GALNT17: variants seen among roughly 807,000 people sequenced by gnomAD.
The protein encoded by GALNT17 is polypeptide N-acetylgalactosaminyltransferase 17, also known as UDP-GalNAc:polypeptide N-acetylgalactosaminyltransferase-like 3.
Under a neutral mutation model 63.7 loss-of-function variants are expected in GALNT17, and 29 were observed. The observed-to-expected ratio is 0.46, with a 90% CI of 0.34 to 0.62. GALNT17 has a LOEUF of 0.62. Among genes scored for constraint, GALNT17 ranks in the 20% least tolerant of loss-of-function variants. GALNT17 has a pLI of 0.01. For missense variants in GALNT17, 603 were observed against 799.6 expected (o/e 0.75, Z 2.97); for synonymous variants, 305 against 318.3 (o/e 0.96, Z 0.45).
rs577211583 is a variant in GALNT17 at position 71,508,718 on chromosome 7, C to T, written c.963-62567C>T. On this transcript the variant is annotated intron_variant, in intron 5 of 10. Coordinates refer to ENST00000333538, the MANE Select transcript of GALNT17 (RefSeq NM_022479.3). ...CCGGGCTGTGGGGGCCAAAGGGACC[C>T]TGGAGGGCGTTTTACTATCTCCCTG... Among the ~76,000 whole-genome samples, 7 of 152,196 alleles carry T rather than the reference C, an allele frequency of 4.6e-5. No individual in the cohort carries two copies. In the South Asian group the frequency reaches 1.5e-3, roughly 32 times the overall value.
intron 2 of GALNT17, among the ~76,000 whole-genome samples, chr7:71,344,624 A>G (rs570931415): frequency 1.3e-5 from 2 of 152,274 alleles, no homozygotes; most frequent in African/African-American, 4.8e-5. Flanking sequence ...GGAGGCTGGT[A>G]GCAGGATGGC....
At chr7:71,320,338 G>A (rs1791583858) in intron 1 of GALNT17, among the ~76,000 whole-genome samples, 1 of 151,528 alleles carries the variant, frequency 6.6e-6, no homozygotes, top group African/African-American at 2.4e-5. Context: ...TTGGGCTCAA[G>A]CAATCCTCCT....
At chr7:71,134,538 T>C (rs529730846) in intron 1 of GALNT17, among the ~76,000 whole-genome samples, 39 of 152,220 alleles carry the variant, frequency 2.6e-4, no homozygotes, top group African/African-American at 8.9e-4. Flanking sequence ...CTCGAAGCCA[T>C]TTGACAGATA....
At chr7:71,670,345 A>G (rs1040441747) in intron 8 of GALNT17, among the ~76,000 whole-genome samples, 2 of 152,170 alleles carry the variant, frequency 1.3e-5, no homozygotes, top group Non-Finnish European at 2.9e-5. Context: ...TGAGATATGT[A>G]GCAGATAATG....
chr7:71,203,307 T>C (rs984937521), intron 1 of GALNT17, among the ~76,000 whole-genome samples: 6 of 152,214 alleles, frequency 3.9e-5, no homozygotes, highest in Admixed American at 6.5e-5. Flanking sequence ...CCAACACTTA[T>C]CTTTCGTCTT....
intron 1 of GALNT17, among the ~76,000 whole-genome samples, chr7:71,302,266 T>C (rs1341940677): frequency 6.6e-6 from 1 of 152,074 alleles, no homozygotes; most frequent in African/African-American, 2.4e-5. Flanking sequence ...ACCTAGGTGA[T>C]GGGTTGATAG....
chr7:71,688,120 C>T (rs1415548000), intron 9 of GALNT17, among the ~76,000 whole-genome samples: 1 of 152,042 alleles, frequency 6.6e-6, no homozygotes, highest in Non-Finnish European at 1.5e-5. Flanking sequence ...AGGTTCTGAA[C>T]CACTTATTTT....
intron 7 of GALNT17, among the ~76,000 whole-genome samples, chr7:71,667,855 A>T (rs1791008087): frequency 6.6e-6 from 1 of 151,328 alleles, no homozygotes; most frequent in Non-Finnish European, 1.5e-5. Context: ...ACTGGAGTGT[A>T]GTGGTACGAT....
At chr7:71,256,858 A>G (rs181453636) in intron 1 of GALNT17, among the ~76,000 whole-genome samples, 56 of 152,344 alleles carry the variant, frequency 3.7e-4, no homozygotes, top group African/African-American at 1.3e-3. Context: ...AGATGACACT[A>G]TCTAGGCTGG....
intron 1 of GALNT17, among the ~76,000 whole-genome samples, chr7:71,202,718 A>G (rs1789197434): frequency 6.6e-6 from 1 of 152,206 alleles, no homozygotes; most frequent in Non-Finnish European, 1.5e-5. Context: ...CCGTGCTGTG[A>G]TATTTCCAAA....
In GALNT17 at chr7:71,712,313, C is replaced by A. The variant is rs1294791099; in HGVS notation, c.*167C>A. 8 of 763,298 alleles carry A rather than the reference C, an allele frequency of 1.0e-5. No homozygotes were observed. The African/African-American group carries it at 1.4e-4, about 14-fold the overall frequency. The allele number at this position is 763,298 out of a possible 1,614,324, so 47.3% of individuals were successfully genotyped here. A position where few individuals can be genotyped will look rare whatever the true frequency, so the allele number is the denominator to read the frequency against. Reference sequence around the variant, plus strand: ...AGGGACCCCGGATGAAGACTCTGTCCCCCCTCAGGCATTCAGCTGCCCACA... The same window carrying A: ...AGGGACCCCGGATGAAGACTCTGTCACCCCTCAGGCATTCAGCTGCCCACA... On this transcript the variant is annotated 3_prime_UTR_variant, in exon 11 of 11. Coordinates refer to ENST00000333538, the MANE Select transcript of GALNT17 (RefSeq NM_022479.3).
At position 71,370,902 on chromosome 7, in the gene GALNT17, C is replaced by T. The variant is rs551924402; in HGVS notation, c.423-17333C>T. Reference sequence around the variant, plus strand: ...ATTACAGGCATGAACCACTGTGCCTCGTCTGACTTTATGTTTCTTATACAA... The same window carrying T: ...ATTACAGGCATGAACCACTGTGCCTTGTCTGACTTTATGTTTCTTATACAA... On this transcript the variant is annotated intron_variant, in intron 2 of 10. Coordinates refer to ENST00000333538, the MANE Select transcript of GALNT17 (RefSeq NM_022479.3). Among the ~76,000 whole-genome samples, 134 of 150,878 alleles carry T rather than the reference C, an allele frequency of 8.9e-4. 1 individual carries two copies. Among genetic ancestry groups the T allele is most frequent in the African/African-American group, 3.2e-3 (128 of 40,222 alleles).
intron 6 of GALNT17, among the ~76,000 whole-genome samples, chr7:71,634,364 G>A (rs1461867564): frequency 6.6e-6 from 1 of 152,160 alleles, no homozygotes; most frequent in Non-Finnish European, 1.5e-5. Context: ...CTGGGACACA[G>A]CCCTCAGGAA....
intron 5 of GALNT17, among the ~76,000 whole-genome samples, chr7:71,509,132 C>G (rs554937376): frequency 1.3e-5 from 2 of 152,154 alleles, no homozygotes; most frequent in African/African-American, 4.8e-5. Flanking sequence ...CTTCGAGTAC[C>G]CATCCAACCA....
In GALNT17 at chr7:71,353,199, C is replaced by CT. The variant is rs1311392769; in HGVS notation, c.422+17467dup. Among the ~76,000 whole-genome samples the CT allele has an allele frequency of 7.8e-4, 119 of 152,032 alleles. 3 individuals are homozygous for CT. Among genetic ancestry groups the CT allele is most frequent in the Non-Finnish European group, 2.1e-4 (14 of 67,988 alleles). Reference sequence around the variant, plus strand: ...TTGCAAGAATACTACAAAAAATTCTCTATTTTCTTTATCCAGTTTCCTTAA... The same window carrying CT: ...TTGCAAGAATACTACAAAAAATTCTCTTATTTTCTTTATCCAGTTTCCTTAA... On this transcript the variant is annotated intron_variant, in intron 2 of 10. Transcript: ENST00000333538.
At position 71,663,470 on chromosome 7, in the gene GALNT17, T is replaced by C. The variant is rs186872298; in HGVS notation, c.1081-1941T>C. On this transcript the variant is annotated intron_variant, in intron 6 of 10. Transcript: ENST00000333538. ...TTCCTGTCTCTATTCCCAGGCCCTT[T>C]GCCAACATTTGGCCTCCTTGACTTC... Among the ~76,000 whole-genome samples the C allele has an allele frequency of 1.6e-3, 238 of 152,326 alleles. 1 individual carries two copies. The highest frequency in any genetic ancestry group is 5.3e-3 in the African/African-American group (219 of 41,592).
chr7:71,337,633 G>T (rs1241836154), intron 2 of GALNT17, among the ~76,000 whole-genome samples: 1 of 152,164 alleles, frequency 6.6e-6, no homozygotes, highest in Non-Finnish European at 1.5e-5. Flanking sequence ...ACTTTGGGAG[G>T]CTGAGGAGGG....
At chr7:71,243,624 C>CA (rs200912878) in intron 1 of GALNT17, among the ~76,000 whole-genome samples, 2,574 of 152,170 alleles carry the variant, frequency 0.017, 33 homozygotes, top group Non-Finnish European at 0.03. Flanking sequence ...AGGCTGGACT[C>CA]AAACTCCTGA....
chr7:71,179,789 C>T (rs1388186721), intron 1 of GALNT17, among the ~76,000 whole-genome samples: 1 of 152,220 alleles, frequency 6.6e-6, no homozygotes, highest in African/African-American at 2.4e-5. Flanking sequence ...AAGACTGCTA[C>T]ACACTCAGAA....
Sources: gnomAD v4.1 joint callset for allele counts (sites outside exome capture counted in the v4.1 genomes callset) on GRCh38, gnomAD v4.1.1 for gene constraint, MANE v1.5 for transcripts, NCBI Gene and HGNC (gene_info 2026-07-23, HGNC 2026-07-21) for gene names.